PGBD5: variants seen among roughly 807,000 people sequenced by gnomAD.
The protein encoded by PGBD5 is piggyBac transposable element-derived protein 5.
Under a neutral mutation model 47.9 loss-of-function variants are expected in PGBD5, and 14 were observed. The observed-to-expected ratio is 0.29, with a 90% CI of 0.19 to 0.46. PGBD5 has a LOEUF of 0.46. Ranked by LOEUF, PGBD5 falls within the 20% of genes least tolerant of loss-of-function variation. The pLI, the probability that PGBD5 is intolerant of heterozygous loss-of-function variation, is 1.00. For missense variants in PGBD5, 635 were observed against 716.0 expected (o/e 0.89, Z 1.29); for synonymous variants, 316 against 306.3 (o/e 1.03, Z -0.33).
At chr1:230,384,467 T>C (rs1656588097) in intron 1 of PGBD5, among the ~76,000 whole-genome samples, 1 of 151,796 alleles carries the variant, frequency 6.6e-6, no homozygotes, top group African/African-American at 2.4e-5. Flanking sequence ...CTGAACGAGG[T>C]GTCCTTGGGC....
intron 1 of PGBD5, among the ~76,000 whole-genome samples, chr1:230,381,201 C>T (rs1004049914): frequency 1.3e-5 from 2 of 152,256 alleles, no homozygotes; most frequent in African/African-American, 4.8e-5. Context: ...AGAGCCAGCA[C>T]TGAACCCAAG....
intron 1 of PGBD5, among the ~76,000 whole-genome samples, chr1:230,383,220 C>G (rs1348138932): frequency 6.6e-6 from 1 of 151,976 alleles, no homozygotes; most frequent in Non-Finnish European, 1.5e-5. Context: ...TAAGCATGCA[C>G]CACCATGCCC....
At chr1:230,413,395 G>A (rs1286312530) in intron 1 of PGBD5, among the ~76,000 whole-genome samples, 1 of 152,086 alleles carries the variant, frequency 6.6e-6, no homozygotes, top group Non-Finnish European at 1.5e-5. Flanking sequence ...AGCTACTCAG[G>A]AGGCTGGGGT....
intron 1 of PGBD5, among the ~76,000 whole-genome samples, chr1:230,382,336 A>G (rs1656521788): frequency 1.3e-5 from 2 of 152,206 alleles, no homozygotes; most frequent in Non-Finnish European, 2.9e-5. Flanking sequence ...CATCCTAATG[A>G]TGGAATTTCA....
chr1:230,418,281 A>C (rs978523792), intron 1 of PGBD5, among the ~76,000 whole-genome samples: 4 of 152,250 alleles, frequency 2.6e-5, no homozygotes, highest in African/African-American at 9.6e-5. Context: ...ACAAACCAAA[A>C]GTCTACCGAT....
intron 1 of PGBD5, chr1:230,367,913 G>T (rs769940717): frequency 7.5e-7 from 1 of 1,336,762 alleles, no homozygotes; most frequent in South Asian, 1.2e-5. Context: ...GCAGAGGCTC[G>T]GGGAAGAGAA....
intron 1 of PGBD5, among the ~76,000 whole-genome samples, chr1:230,416,718 C>T (rs894634296): frequency 3.9e-5 from 6 of 152,196 alleles, no homozygotes; most frequent in African/African-American, 1.4e-4. Flanking sequence ...GAGAGGAAGA[C>T]CAGGGTGGAC....
intron 1 of PGBD5, among the ~76,000 whole-genome samples, chr1:230,401,710 C>T (rs1334322058): frequency 6.6e-6 from 1 of 152,228 alleles, no homozygotes; most frequent in Non-Finnish European, 1.5e-5. Flanking sequence ...GCATCAGAGC[C>T]CTCAGGCCTC....
At chr1:230,342,581 A>G (rs1571831258) in intron 3 of PGBD5, among the ~76,000 whole-genome samples, 1 of 152,158 alleles carries the variant, frequency 6.6e-6, no homozygotes, top group East Asian at 1.9e-4. Context: ...ATTGTAAATG[A>G]CAGTCACTTG....
chr1:230,411,026 C>T (rs1657395816), intron 1 of PGBD5, among the ~76,000 whole-genome samples: 1 of 152,054 alleles, frequency 6.6e-6, no homozygotes, highest in African/African-American at 2.4e-5. Flanking sequence ...TCTGTAATCC[C>T]AGCACTTTGG....
intron 1 of PGBD5, among the ~76,000 whole-genome samples, chr1:230,400,741 A>G (rs1657117784): frequency 6.6e-6 from 1 of 152,186 alleles, no homozygotes; most frequent in Non-Finnish European, 1.5e-5. Context: ...GCTACTTAGG[A>G]GGCTGAGGTG....
At chr1:230,381,134 T>G (rs1251662481) in intron 1 of PGBD5, among the ~76,000 whole-genome samples, 1 of 152,262 alleles carries the variant, frequency 6.6e-6, no homozygotes, top group East Asian at 1.9e-4. Context: ...GCCCATGTTA[T>G]AGATAAGGAA....
At chr1:230,338,596 C>T (rs754403687) in intron 3 of PGBD5, among the ~76,000 whole-genome samples, 37 of 152,212 alleles carry the variant, frequency 2.4e-4, no homozygotes, top group African/African-American at 7.0e-4. Context: ...GTCAGGAGTT[C>T]GAGACCAGCC....
chr1:230,425,851 C>T lies in PGBD5; in HGVS notation c.78G>A (p.Leu26=). ...LEAARARYES[L]HISDDVFGES... is the part of the protein sequence containing the mutation. ...CGCCGAACACGTCGTCCGAGATGTG[C>T]AGGCTCTCGTAGCGCGCGCGGGCAG... Residue 26 remains leucine (L), a synonymous_variant, in exon 1 of 7, where the codon CTG becomes CTA. Coordinates refer to ENST00000391860, the MANE Select transcript of PGBD5 (RefSeq NM_001258311.2). This position sits in a 1 kb window ranked among gnomAD's most constrained non-coding sequence, Gnocchi z 4.7. 8.3e-7 allele frequency: 1 copy of T among 1,200,764 alleles called. No homozygotes were observed. Among genetic ancestry groups the T allele is most frequent in the East Asian group, 3.5e-5 (1 of 28,974 alleles). The allele number at this position is 1,200,764 out of a possible 1,614,324, so 74.4% of individuals were successfully genotyped here.
intron 1 of PGBD5, among the ~76,000 whole-genome samples, chr1:230,419,203 TACACC>T (rs1483433960): frequency 8.3e-6 from 1 of 120,706 alleles, no homozygotes; most frequent in Non-Finnish European, 1.7e-5. Context: ...ATGGTGCACA[TACACC>T]ATGGAACACC....
intron 1 of PGBD5, among the ~76,000 whole-genome samples, chr1:230,401,509 T>C (rs1480539873): frequency 1.3e-5 from 2 of 152,142 alleles, no homozygotes; most frequent in Admixed American, 6.5e-5. Flanking sequence ...AAACGACCCT[T>C]GAGCAGATCC....
At chr1:230,332,786 G>A (rs1352611642) in intron 5 of PGBD5, 58 bp downstream of exon 5, 1 of 1,598,328 alleles carries the variant, frequency 6.3e-7, no homozygotes, top group East Asian at 2.2e-5. Context: ...CGGTGGGCTC[G>A]GCCAAGCTCA....
intron 1 of PGBD5, among the ~76,000 whole-genome samples, chr1:230,400,245 C>G (rs1410011248): frequency 6.6e-6 from 1 of 152,228 alleles, no homozygotes; most frequent in Admixed American, 6.5e-5. Flanking sequence ...ACTGGGCCAA[C>G]TCCTTCACCG....
At chr1:230,419,000 T>C (rs1316209558) in intron 1 of PGBD5, among the ~76,000 whole-genome samples, 1 of 152,264 alleles carries the variant, frequency 6.6e-6, no homozygotes, top group East Asian at 1.9e-4. Context: ...CAGAGAACTT[T>C]GGAGATTTCT....
Sources: allele counts gnomAD v4.1 joint callset (sites outside exome capture counted in the v4.1 genomes callset), GRCh38; gene constraint gnomAD v4.1.1; non-coding constraint Gnocchi (gnomAD v3.1); transcripts MANE v1.5; gene names NCBI Gene and HGNC (gene_info 2026-07-23, HGNC 2026-07-21).